TNKS: variants seen among roughly 807,000 people sequenced by gnomAD.
TNKS encodes tankyrase, also known as poly [ADP-ribose] polymerase tankyrase-1.
In TNKS, 72 loss-of-function variants were observed where a neutral mutation model predicts 135.8. That is an observed-to-expected ratio of 0.53 (90% CI 0.44 to 0.64). TNKS has a LOEUF of 0.64. TNKS is among the 30% of genes least tolerant of loss of function. The pLI is 0.00. For synonymous variants in TNKS, 849 were observed against 649.3 expected (o/e 1.31, Z -4.68); for missense variants, 1,769 against 1,674.0 (o/e 1.06, Z -0.99).
intron 12 of TNKS, 145 bp from the exon 13 acceptor site, chr8:9,726,496 C>A: frequency 1.7e-6 from 1 of 577,172 alleles, no homozygotes. Flanking sequence ...AGTTTTGCTA[C>A]AACATTTAGT....
chr8:9,731,975 G>T (rs1197447935), intron 14 of TNKS, among the ~76,000 whole-genome samples: 1 of 152,108 alleles, frequency 6.6e-6, no homozygotes, highest in African/African-American at 2.4e-5. Context: ...TTTTAGGAGA[G>T]ACGGGGTTTC....
intron 2 of TNKS, among the ~76,000 whole-genome samples, chr8:9,592,589 A>G (rs1798627197): frequency 6.6e-6 from 1 of 152,202 alleles, no homozygotes; most frequent in Non-Finnish European, 1.5e-5. Flanking sequence ...GTAAGGTGTG[A>G]AGTTAAGCAT....
chr8:9,717,072 A>ATATATATATATATATATAT (rs376229840), intron 11 of TNKS, among the ~76,000 whole-genome samples: 2,206 of 79,262 alleles, frequency 0.028, 378 homozygotes, highest in East Asian at 0.051. Context: ...GTTGTATTAT[A>ATATATATATATATATATAT]ATATATATAT....
Position 9,610,674 on chromosome 8 carries a change from C to T in TNKS, c.899-4908C>T, listed in dbSNP as rs572509062. ...AACTCAGTCTAATAAATGTATATCTCTTTATTCTTAAAGCATTAGATGCTT... is the reference window on the plus strand; with the variant it reads ...AACTCAGTCTAATAAATGTATATCTTTTTATTCTTAAAGCATTAGATGCTT... On this transcript the variant is annotated intron_variant, in intron 2 of 26. Coordinates refer to ENST00000310430, the MANE Select transcript of TNKS (RefSeq NM_003747.3). 5.9e-5 allele frequency among the ~76,000 whole-genome samples: 9 copies of T among 152,206 alleles called. No individual in the cohort carries two copies. In the South Asian group the frequency reaches 1.9e-3, roughly 32 times the overall value.
At chr8:9,757,811 T>G (rs1039420682) in intron 20 of TNKS, among the ~76,000 whole-genome samples, 3 of 152,224 alleles carry the variant, frequency 2.0e-5, no homozygotes, top group African/African-American at 4.8e-5. Flanking sequence ...AAATATTTAG[T>G]TACTTTTTAA....
intron 5 of TNKS, among the ~76,000 whole-genome samples, chr8:9,692,674 G>A (rs1803334345): frequency 6.6e-6 from 1 of 152,166 alleles, no homozygotes; most frequent in African/African-American, 2.4e-5. Flanking sequence ...GAGACAAATT[G>A]GAGGAGTCAT....
At position 9,556,444 on chromosome 8, in the gene TNKS, G is replaced by T. The variant is rs764870799; in HGVS notation, c.505G>T (p.Ala169Ser). Residue 169 changes from alanine to serine, a missense_variant, in exon 1 of 27, where the codon GCA (alanine) becomes TCA (serine). Around this residue, in one of 5 missense-constraint regions of TNKS, gnomAD observed 450 missense variants for 304.9 expected, o/e 1.48. Transcript: ENST00000310430. Reference protein sequence around the residue: ...VSSTAPLGPGAAGPGTGVPAV... With the variant: ...VSSTAPLGPGSAGPGTGVPAV... ...CAGCACAGCACCACTGGGGCCTGGG[G>T]CAGCAGGACCTGGGACAGGGGTCCC... is the stretch of plus-strand genomic sequence containing the variant. The T allele has an allele frequency of 1.2e-6, 2 of 1,614,148 alleles. No individual in the cohort carries two copies. Among genetic ancestry groups the T allele is most frequent in the East Asian group, 4.5e-5 (2 of 44,876 alleles).
At chr8:9,681,628 T>C (rs1336666937) in intron 5 of TNKS, among the ~76,000 whole-genome samples, 2 of 152,018 alleles carry the variant, frequency 1.3e-5, no homozygotes, top group African/African-American at 2.4e-5. Context: ...TTGAGGAAAA[T>C]TGTATGTCTG....
chr8:9,710,286 TTC>T, intron 11 of TNKS, 66 bp downstream of exon 11: 2 of 1,454,220 alleles, frequency 1.4e-6, no homozygotes, highest in Non-Finnish European at 9.6e-7. Flanking sequence ...TTAACACTGC[TTC>T]TCTCTCTCCG....
intron 3 of TNKS, among the ~76,000 whole-genome samples, chr8:9,679,108 T>C (rs528617761): frequency 3.6e-4 from 55 of 152,334 alleles, no homozygotes; most frequent in African/African-American, 1.3e-3. Context: ...ATTTTCATCA[T>C]TTGATATATT....
At chr8:9,646,083 A>C (rs902759729) in intron 3 of TNKS, among the ~76,000 whole-genome samples, 3 of 152,198 alleles carry the variant, frequency 2.0e-5, no homozygotes, top group Admixed American at 6.5e-5. Context: ...TGCTTAACAC[A>C]TAATTTCCTT....
intron 9 of TNKS, 62 bp from the exon 10 acceptor site, chr8:9,709,893 T>C: frequency 3.1e-6 from 4 of 1,303,684 alleles, no homozygotes; most frequent in Non-Finnish European, 4.4e-6. Context: ...TACTGTTCAA[T>C]TCCAAGAGCT....
Position 9,593,587 on chromosome 8 carries a change from TC to T in TNKS, c.898+13205del, listed in dbSNP as rs1252718959. 2.0e-5 allele frequency among the ~76,000 whole-genome samples: 3 copies of T among 152,256 alleles called. No homozygotes were observed. In the East Asian group the frequency reaches 5.8e-4, roughly 29 times the overall value. On this transcript the variant is annotated intron_variant, in intron 2 of 26. Transcript: ENST00000310430. ...CCCCCCAAACCAAAAAACTAACCTGTCTACAAAAATTTAAACCAAGTGTAAC... is the reference window on the plus strand; with the variant it reads ...CCCCCCAAACCAAAAAACTAACCTGTTACAAAAATTTAAACCAAGTGTAAC...
chr8:9,713,647 A>G lies in TNKS; in HGVS notation c.1749+3427A>G, dbSNP rs138219877. ...TAACGCTTGCTAGTAGGCACTTAAA[A>G]AAGAGGAGAGTTATATTTAATCAGA... On this transcript the variant is annotated intron_variant, in intron 11 of 26. Coordinates refer to ENST00000310430, the MANE Select transcript of TNKS (RefSeq NM_003747.3). Among the ~76,000 whole-genome samples, 860 of 152,332 alleles carry G rather than the reference A, an allele frequency of 5.6e-3. 5 individuals are homozygous for G. The highest frequency in any genetic ancestry group is 0.011 in the Admixed American group (165 of 15,298).
intron 26 of TNKS, among the ~76,000 whole-genome samples, chr8:9,770,845 T>C (rs1054404170): frequency 3.9e-5 from 6 of 152,182 alleles, no homozygotes; most frequent in African/African-American, 1.4e-4. Flanking sequence ...AATGTGTTGA[T>C]GGAGATACCG....
intron 3 of TNKS, among the ~76,000 whole-genome samples, chr8:9,629,444 TG>T (rs960505158): frequency 6.6e-6 from 1 of 152,222 alleles, no homozygotes; most frequent in Non-Finnish European, 1.5e-5. Flanking sequence ...TCTTTTCACT[TG>T]GAAAAACATT....
chr8:9,698,681 C>T (rs537881180), intron 5 of TNKS, among the ~76,000 whole-genome samples: 6 of 152,250 alleles, frequency 3.9e-5, no homozygotes, highest in South Asian at 2.1e-4. Context: ...CCTGGACTTA[C>T]GTTGAAGCCA....
Position 9,766,296 on chromosome 8 carries a change from TAGG to T in TNKS, c.3616_3618del (p.Gly1206del). 3 of 1,613,868 alleles carry T rather than the reference TAGG, an allele frequency of 1.9e-6. No homozygotes were observed. Among genetic ancestry groups the T allele is most frequent in the Non-Finnish European group, 2.5e-6 (3 of 1,179,926 alleles). On this transcript the variant is annotated inframe_deletion, in exon 25 of 27. Transcript: ENST00000310430. ...GGGTTTGATGAGCGACATGCATACATAGGAGGAATGTTTGGGGCCGGGATTTAT... is the reference window on the plus strand; with the variant it reads ...GGGTTTGATGAGCGACATGCATACATAGGAATGTTTGGGGCCGGGATTTAT...
chr8:9,562,327 T>G (rs779361637), intron 1 of TNKS, among the ~76,000 whole-genome samples: 2 of 152,090 alleles, frequency 1.3e-5, no homozygotes, highest in Non-Finnish European at 2.9e-5. Context: ...TGAATAGAAA[T>G]TTTAAATTTA....
Sources: allele counts gnomAD v4.1 joint callset (sites outside exome capture counted in the v4.1 genomes callset), GRCh38; gene constraint gnomAD v4.1.1; regional missense constraint gnomAD v4.1.1; transcripts MANE v1.5; gene names NCBI Gene and HGNC (gene_info 2026-07-23, HGNC 2026-07-21).